MPC2: variants seen among roughly 807,000 people sequenced by gnomAD.
MPC2 encodes brain protein 44.
MPC2 carries 19 observed loss-of-function variants against 19.2 expected under a neutral mutation model. The ratio of observed to expected loss-of-function variants is 0.99; its 90% CI spans 0.69 to 1.45. The LOEUF is 1.45. MPC2 is among the 40% of genes most tolerant of loss of function. MPC2 has a pLI of 0.00. For synonymous variants in MPC2, 61 were observed against 54.3 expected (o/e 1.12, Z -0.54); for missense variants, 122 against 153.0 (o/e 0.80, Z 1.07).
At chr1:167,928,135 T>C (rs1366579644) in intron 2 of MPC2, among the ~76,000 whole-genome samples, 1 of 151,880 alleles carries the variant, frequency 6.6e-6, no homozygotes, top group Non-Finnish European at 1.5e-5. Context: ...GATCACGAGG[T>C]CAGAAGATCG....
intron 2 of MPC2, among the ~76,000 whole-genome samples, chr1:167,925,474 T>TATATAC (rs1435671188): frequency 1.5e-4 from 15 of 96,816 alleles, no homozygotes; most frequent in South Asian, 1.2e-3. Context: ...TATATATATA[T>TATATAC]ACATATACAT....
chr1:167,918,906 T>C (rs1670534576), intron 5 of MPC2, among the ~76,000 whole-genome samples: 1 of 152,154 alleles, frequency 6.6e-6, no homozygotes, highest in Non-Finnish European at 1.5e-5. Flanking sequence ...CAAAAACTTT[T>C]AACAGCTTAG....
At chr1:167,936,029 G>T in intron 1 of MPC2, 131 bp from the exon 2 acceptor site, 1 of 605,042 alleles carries the variant, frequency 1.7e-6, no homozygotes, top group South Asian at 2.0e-5. Context: ...CCCCGCGAAG[G>T]TTGAGGGGGC....
intron 1 of MPC2, chr1:167,936,648 AG>A (rs764259610): frequency 7.6e-6 from 3 of 394,460 alleles, no homozygotes; most frequent in Admixed American, 4.6e-5. Context: ...CTCCTGTTGG[AG>A]GGGGGCTGAG....
chr1:167,928,677 G>C (rs553471797), intron 2 of MPC2, among the ~76,000 whole-genome samples: 2 of 152,278 alleles, frequency 1.3e-5, no homozygotes, highest in South Asian at 4.1e-4. Flanking sequence ...GAAAACACAG[G>C]CTTATGTTCT....
At chr1:167,936,652 G>A (rs2102577406) in intron 1 of MPC2, 1 of 412,020 alleles carries the variant, frequency 2.4e-6, no homozygotes, top group Non-Finnish European at 4.4e-6. Context: ...TGTTGGAGGG[G>A]GGCTGAGGGA....
rs1356185629 is a variant in MPC2, at chr1:167,936,364, G to A, written c.-57-466C>T. On this transcript the variant is annotated intron_variant, in intron 1 of 5. Transcript: ENST00000271373. ...GGTTTTTGGGCCTTCAGTGCCTAAA[G>A]ATGATGCCGCACAATTCTCTTGCTT... 1.6e-5 allele frequency: 3 copies of A among 182,612 alleles called. No individual in the cohort carries two copies. In the East Asian group the frequency reaches 4.9e-4, roughly 30 times the overall value. 11.3% of individuals were successfully genotyped at this position (182,612 alleles called of 1,614,324 possible).
intron 2 of MPC2, among the ~76,000 whole-genome samples, chr1:167,925,442 C>CACATATAT (rs1553200803): frequency 9.7e-4 from 80 of 82,472 alleles, no homozygotes; most frequent in East Asian, 1.8e-3. Flanking sequence ...TACATATACA[C>CACATATAT]ATATATATAT....
chr1:167,930,762 C>T (rs1334220767), intron 2 of MPC2, among the ~76,000 whole-genome samples: 1 of 152,188 alleles, frequency 6.6e-6, no homozygotes, highest in Non-Finnish European at 1.5e-5. Flanking sequence ...GCACTTTAAA[C>T]ATATTTCATT....
At chr1:167,936,890 C>G in intron 1 of MPC2, 49 bp downstream of exon 1, 2 of 1,564,150 alleles carry the variant, frequency 1.3e-6, no homozygotes, top group Non-Finnish European at 1.7e-6. Context: ...GGTCTCCCCT[C>G]CCACCCGGCT....
At chr1:167,920,476 A>G in intron 4 of MPC2, 71 bp downstream of exon 4, 1 of 1,482,572 alleles carries the variant, frequency 6.7e-7, no homozygotes, top group Non-Finnish European at 9.2e-7. Context: ...GCCACTAAAT[A>G]AACTGATATA....
At chr1:167,936,039 C>T in intron 1 of MPC2, 141 bp from the exon 2 acceptor site, 1 of 592,060 alleles carries the variant, frequency 1.7e-6, no homozygotes, top group South Asian at 2.0e-5. Context: ...GTTGAGGGGG[C>T]GGAGGCTGCC....
At chr1:167,928,626 A>C (rs1005100136) in intron 2 of MPC2, among the ~76,000 whole-genome samples, 4 of 152,266 alleles carry the variant, frequency 2.6e-5, no homozygotes, top group African/African-American at 9.6e-5. Flanking sequence ...GTATCACTCA[A>C]ATAGTGACAA....
At chr1:167,935,539 A>G (rs1187299382) in intron 2 of MPC2, among the ~76,000 whole-genome samples, 194 bp downstream of exon 2, 5 of 152,174 alleles carry the variant, frequency 3.3e-5, no homozygotes, top group Admixed American at 3.3e-4. Context: ...GACTTGAGAT[A>G]CGTTGGCTTA....
intron 2 of MPC2, among the ~76,000 whole-genome samples, chr1:167,931,385 A>T (rs1229365222): frequency 6.6e-6 from 1 of 152,136 alleles, no homozygotes; most frequent in Non-Finnish European, 1.5e-5. Flanking sequence ...TTGGTAGCTG[A>T]TTGTTTGAAG....
chr1:167,933,737 A>ACG (rs1670979439), intron 2 of MPC2, among the ~76,000 whole-genome samples: 1 of 152,222 alleles, frequency 6.6e-6, no homozygotes. Flanking sequence ...ATTTTATTCA[A>ACG]TACTCATCAG....
chr1:167,936,854 C>A, intron 1 of MPC2, 85 bp downstream of exon 1: 18 of 1,289,290 alleles, frequency 1.4e-5, no homozygotes, highest in Non-Finnish European at 2.0e-5. Context: ...GGTGTCCCCT[C>A]CCCCTCCTCC....
chr1:167,935,784 C>G lies in MPC2; in HGVS notation c.58G>C (p.Val20Leu). The change falls in exon 2 of 6, where the codon GTG (valine) becomes CTG (leucine). Residue 20 changes from valine to leucine, a missense_variant. Val to Leu is a conservative substitution (Grantham distance 32, BLOSUM62 1). Coordinates refer to ENST00000271373, the MANE Select transcript of MPC2 (RefSeq NM_001143674.4). ...RATYHRLLDK[V>L]ELMLPEKLRP... ...AATTTCTCGGGCAGCATCAGCTCCA[C>G]TTTATCGAGGAGCCGGTGGTAGGTG... The G allele has an allele frequency of 6.4e-7, 1 of 1,563,290 alleles. No individual in the cohort carries two copies. The highest frequency in any genetic ancestry group is 8.7e-7 in the Non-Finnish European group (1 of 1,153,928).
At chr1:167,934,364 A>G (rs964437209) in intron 2 of MPC2, among the ~76,000 whole-genome samples, 2 of 152,194 alleles carry the variant, frequency 1.3e-5, no homozygotes, top group African/African-American at 4.8e-5. Context: ...TGACTCTGTA[A>G]AGCCCAGATT....
Sources: gnomAD v4.1 joint callset for allele counts (sites outside exome capture counted in the v4.1 genomes callset) on GRCh38, gnomAD v4.1.1 for gene constraint, MANE v1.5 for transcripts, NCBI Gene and HGNC (gene_info 2026-07-23, HGNC 2026-07-21) for gene names.